The following EPHA5 variants were observed in gnomAD, a reference collection of about 807,000 sequenced individuals.
EPHA5 encodes EPH receptor A5, also known as ephrin type-A receptor 5.
In EPHA5, 60 loss-of-function variants were observed where a neutral mutation model predicts 105.0. That is an observed-to-expected ratio of 0.57 (90% CI 0.46 to 0.71). EPHA5 has a LOEUF of 0.71. Among genes scored for constraint, EPHA5 ranks in the 30% least tolerant of loss-of-function variants. The pLI is 0.00. For missense variants in EPHA5, 1,218 were observed against 1,274.7 expected, an observed-to-expected ratio of 0.96 and a Z score of 0.68; for synonymous variants, 513 against 449.1, an observed-to-expected ratio of 1.14 and a Z score of -1.80.
intron 1 of EPHA5, among the ~76,000 whole-genome samples, chr4:65,665,710 GTAAATGAAATCCTCTTACC>G (rs1199656999): frequency 2.6e-4 from 40 of 152,182 alleles, no homozygotes; most frequent in African/African-American, 9.6e-4. Context: ...TCTTATATGA[GTAAATGAAATCCTCTTACC>G]TGTCACCCTA....
At chr4:65,327,014 C>T (rs1473657519) in intron 16 of EPHA5, among the ~76,000 whole-genome samples, 1 of 151,146 alleles carries the variant, frequency 6.6e-6, no homozygotes, top group Non-Finnish European at 1.5e-5. Context: ...TCACTAATAA[C>T]TTATTTTTAT....
In EPHA5 at chr4:65,602,346, TAG is replaced by T. The variant is rs775510079; in HGVS notation, c.247-44_247-43del. ...AGAAAGATAAAAAAAATTCAAAAAA[TAG>T]AAAATAACAAGGAACTATAGCAAAA... On this transcript the variant is annotated intron_variant, in intron 2 of 16. Transcript: ENST00000613740. 3 of 1,449,664 alleles carry T rather than the reference TAG, an allele frequency of 2.1e-6. No individual in the cohort carries two copies. The Admixed American group carries it at 7.0e-5, about 34-fold the overall frequency. 89.8% of individuals were successfully genotyped at this position (1,449,664 alleles called of 1,614,324 possible).
At chr4:65,379,994 C>A (rs1398303483) in intron 8 of EPHA5, among the ~76,000 whole-genome samples, 1 of 151,708 alleles carries the variant, frequency 6.6e-6, no homozygotes, top group Non-Finnish European at 1.5e-5. Context: ...AGCTTGACAT[C>A]AGATGGTATA....
At chr4:65,585,793 G>C (rs1361315290) in intron 3 of EPHA5, among the ~76,000 whole-genome samples, 1 of 151,452 alleles carries the variant, frequency 6.6e-6, no homozygotes, top group Non-Finnish European at 1.5e-5. Flanking sequence ...TATGAATTAG[G>C]AACAATTTAC....
chr4:65,405,915 G>T (rs188851145), intron 7 of EPHA5, among the ~76,000 whole-genome samples: 28 of 150,904 alleles, frequency 1.9e-4, no homozygotes, highest in Non-Finnish European at 3.7e-4. Context: ...TCTTTTTTTG[G>T]CAGAGGTCAC....
At chr4:65,391,583 T>C (rs1000148795) in intron 8 of EPHA5, among the ~76,000 whole-genome samples, 1 of 152,114 alleles carries the variant, frequency 6.6e-6, no homozygotes, top group Non-Finnish European at 1.5e-5. Context: ...GCAGTGCTAT[T>C]GATTTTCACT....
At chr4:65,568,885 C>T (rs1427095381) in intron 3 of EPHA5, among the ~76,000 whole-genome samples, 1 of 150,872 alleles carries the variant, frequency 6.6e-6, no homozygotes, top group East Asian at 1.9e-4. Context: ...TTTATTGTTT[C>T]AATAAATAAG....
rs1719751633 is a variant in EPHA5, at chr4:65,322,898, G to T, written c.*1216C>A. On this transcript the variant is annotated 3_prime_UTR_variant, in exon 17 of 17. Coordinates refer to ENST00000613740, the MANE Select transcript of EPHA5 (RefSeq NM_001281766.3). ...TGCTGCCTTAGAGTCAAAATTTCTA[G>T]AACTGAGTCAAAATGGGAATGGTTA... The T allele has an allele frequency of 1.3e-5, 3 of 228,956 alleles. No homozygotes were observed. Among genetic ancestry groups the T allele is most frequent in the Non-Finnish European group, 2.6e-5 (3 of 115,444 alleles). The allele number at this position is 228,956 out of a possible 1,614,324, so 14.2% of individuals were successfully genotyped here. A position where few individuals can be genotyped will look rare whatever the true frequency, so the allele number is the denominator to read the frequency against.
chr4:65,606,584 TTA>T (rs1321767797), intron 2 of EPHA5, among the ~76,000 whole-genome samples: 2 of 152,218 alleles, frequency 1.3e-5, no homozygotes, highest in African/African-American at 2.4e-5. Context: ...GATACAATTT[TTA>T]TGAGTTTAGT....
intron 1 of EPHA5, among the ~76,000 whole-genome samples, chr4:65,650,621 C>G (rs1748529602): frequency 6.6e-6 from 1 of 151,484 alleles, no homozygotes. Flanking sequence ...ACTGAGTCAC[C>G]CTTTCCTCAC....
At chr4:65,621,008 A>G (rs1202938530) in intron 2 of EPHA5, among the ~76,000 whole-genome samples, 2 of 152,178 alleles carry the variant, frequency 1.3e-5, no homozygotes, top group East Asian at 3.8e-4. Flanking sequence ...ATTTATATGT[A>G]TCTCTATGGA....
At chr4:65,400,688 G>T in intron 8 of EPHA5, among the ~76,000 whole-genome samples, 1 of 152,064 alleles carries the variant, frequency 6.6e-6, no homozygotes, top group Non-Finnish European at 1.5e-5. Flanking sequence ...AATTTTAAAA[G>T]TTAACCTTTT....
At chr4:65,456,542 C>T (rs1727609972) in intron 5 of EPHA5, among the ~76,000 whole-genome samples, 1 of 152,140 alleles carries the variant, frequency 6.6e-6, no homozygotes, top group Non-Finnish European at 1.5e-5. Flanking sequence ...ACCAATCTCA[C>T]ATGCTGCTTA....
chr4:65,623,720 T>C (rs1174408250), intron 2 of EPHA5, among the ~76,000 whole-genome samples: 4 of 152,122 alleles, frequency 2.6e-5, no homozygotes, highest in Non-Finnish European at 5.9e-5. Context: ...GATGGAAACA[T>C]TTTTGCCTCA....
intron 3 of EPHA5, among the ~76,000 whole-genome samples, chr4:65,591,876 A>G (rs536725200): frequency 2.6e-5 from 4 of 152,312 alleles, no homozygotes; most frequent in South Asian, 2.1e-4. Flanking sequence ...GTAAAATAAC[A>G]TGAGTTTTGA....
intron 8 of EPHA5, among the ~76,000 whole-genome samples, chr4:65,402,082 A>G (rs1721896150): frequency 6.6e-6 from 1 of 152,120 alleles, no homozygotes; most frequent in South Asian, 2.1e-4. Flanking sequence ...TTCTCATGAT[A>G]GTAAGATTGT....
intron 3 of EPHA5, among the ~76,000 whole-genome samples, chr4:65,500,346 T>C (rs985056297): frequency 2.6e-5 from 4 of 151,224 alleles, no homozygotes; most frequent in Non-Finnish European, 5.9e-5. Flanking sequence ...GGAAAGAAAA[T>C]TATGTTTAAG....
At chr4:65,363,022 G>A (rs796169028) in intron 11 of EPHA5, among the ~76,000 whole-genome samples, 18 of 151,774 alleles carry the variant, frequency 1.2e-4, no homozygotes, top group African/African-American at 4.1e-4. Context: ...AAGTGGAAGG[G>A]ATTGTTTCAC....
At chr4:65,617,025 T>A (rs1476709851) in intron 2 of EPHA5, among the ~76,000 whole-genome samples, 1 of 152,222 alleles carries the variant, frequency 6.6e-6, no homozygotes, top group Non-Finnish European at 1.5e-5. Flanking sequence ...TTTTATATAA[T>A]ATTTCCCAAA....
Sources: gnomAD v4.1 joint callset for allele counts (sites outside exome capture counted in the v4.1 genomes callset) on GRCh38, gnomAD v4.1.1 for gene constraint, MANE v1.5 for transcripts, NCBI Gene and HGNC (gene_info 2026-07-23, HGNC 2026-07-21) for gene names.